Variants in FAM13A observed in about 807,000 individuals in gnomAD.
FAM13A encodes protein FAM13A.
A neutral mutation model predicts 129.6 loss-of-function variants in FAM13A; 76 were observed. That is an observed-to-expected ratio of 0.59 (90% CI 0.49 to 0.71). FAM13A has a LOEUF of 0.71. Among genes scored for constraint, FAM13A ranks in the 30% least tolerant of loss-of-function variants. FAM13A has a pLI of 0.00. For missense variants in FAM13A, 1,108 were observed against 1,249.3 expected (o/e 0.89, Z 1.70); for synonymous variants, 443 against 449.9 (o/e 0.98, Z 0.20).
intron 4 of FAM13A, among the ~76,000 whole-genome samples, chr4:88,975,871 A>G (rs1391142320): frequency 6.6e-6 from 1 of 152,180 alleles, no homozygotes; most frequent in African/African-American, 2.4e-5. Flanking sequence ...TCTTGAGAAA[A>G]TGTGTGCTCT....
At chr4:88,906,591 G>A (rs1748208824) in intron 5 of FAM13A, 129 bp from the exon 6 acceptor site, 2 of 644,450 alleles carry the variant, frequency 3.1e-6, no homozygotes, top group African/African-American at 1.9e-5. Context: ...TCAGAAGCTG[G>A]TGAAATTGTA....
At chr4:89,011,085 T>A (rs949528118) in intron 3 of FAM13A, among the ~76,000 whole-genome samples, 1 of 152,124 alleles carries the variant, frequency 6.6e-6, no homozygotes, top group African/African-American at 2.4e-5. Context: ...TGACCTCAGG[T>A]GATCCTCCCA....
At position 88,807,675 on chromosome 4, in the gene FAM13A, G is replaced by A. The variant is rs929538973; in HGVS notation, c.1008-2623C>T. On this transcript the variant is annotated intron_variant, in intron 7 of 23. Coordinates refer to ENST00000264344, the MANE Select transcript of FAM13A (RefSeq NM_014883.4). Reference sequence around the variant, plus strand: ...ATCTCGTGGACTTGATAAGCTCCTTGTCATGCTTCTGATTATGGCAACTCT... The same window carrying A: ...ATCTCGTGGACTTGATAAGCTCCTTATCATGCTTCTGATTATGGCAACTCT... Among the ~76,000 whole-genome samples, 4 of 152,258 alleles carry A rather than the reference G, an allele frequency of 2.6e-5. No individual in the cohort carries two copies. In the East Asian group the frequency reaches 7.7e-4, roughly 29 times the overall value.
chr4:89,054,151 A>T (rs1301823053), intron 1 of FAM13A, among the ~76,000 whole-genome samples: 1 of 152,144 alleles, frequency 6.6e-6, no homozygotes, highest in Non-Finnish European at 1.5e-5. Context: ...CTTAACACTA[A>T]CAACATGGCA....
At chr4:88,919,823 G>A (rs892842166) in intron 5 of FAM13A, among the ~76,000 whole-genome samples, 6 of 152,232 alleles carry the variant, frequency 3.9e-5, no homozygotes, top group African/African-American at 1.4e-4. Flanking sequence ...ATGGCACCTG[G>A]AAAATCGGGT....
chr4:88,955,673 G>C (rs1757641018), intron 4 of FAM13A, among the ~76,000 whole-genome samples: 1 of 152,160 alleles, frequency 6.6e-6, no homozygotes, highest in Non-Finnish European at 1.5e-5. Flanking sequence ...GGATAATAAA[G>C]TCCAGGCTGA....
intron 6 of FAM13A, among the ~76,000 whole-genome samples, chr4:88,880,511 A>G (rs926785570): frequency 1.2e-4 from 18 of 151,668 alleles, no homozygotes; most frequent in Admixed American, 6.6e-4. Context: ...AGGAACTGGG[A>G]AAAAAAACCA....
intron 7 of FAM13A, among the ~76,000 whole-genome samples, chr4:88,810,283 CT>C: frequency 6.6e-6 from 1 of 152,214 alleles, no homozygotes. Flanking sequence ...TTGAAATATA[CT>C]GTTATCAGCT....
At chr4:88,843,205 G>A (rs1578916425) in intron 7 of FAM13A, among the ~76,000 whole-genome samples, 2 of 152,166 alleles carry the variant, frequency 1.3e-5, no homozygotes, top group East Asian at 3.9e-4. Context: ...CCAGAGAGTG[G>A]AAACATCTCA....
intron 6 of FAM13A, among the ~76,000 whole-genome samples, chr4:88,891,235 A>G (rs1347458460): frequency 6.6e-6 from 1 of 152,070 alleles, no homozygotes. Flanking sequence ...ACCAGCCTGG[A>G]CAACATGGCA....
chr4:88,741,049 T>A (rs1204203149), intron 19 of FAM13A, among the ~76,000 whole-genome samples: 2 of 152,186 alleles, frequency 1.3e-5, no homozygotes. Context: ...ATGTTGAACA[T>A]CTGGAACTCT....
At chr4:89,046,316 T>C (rs369813939) in intron 1 of FAM13A, among the ~76,000 whole-genome samples, 1 of 152,032 alleles carries the variant, frequency 6.6e-6, no homozygotes, top group Admixed American at 6.6e-5. Context: ...AAAGAGAAGA[T>C]TTGAGGTTGG....
chr4:88,820,317 G>A (rs2149825329), intron 7 of FAM13A, among the ~76,000 whole-genome samples: 1 of 152,176 alleles, frequency 6.6e-6, no homozygotes, highest in Non-Finnish European at 1.5e-5. Context: ...GTGTATTACT[G>A]AATTCACCAC....
intron 7 of FAM13A, among the ~76,000 whole-genome samples, chr4:88,825,150 C>T (rs927857318): frequency 5.3e-5 from 8 of 151,854 alleles, no homozygotes; most frequent in Non-Finnish European, 1.2e-4. Context: ...TTTCTCCTGT[C>T]TATTCTGGAA....
At chr4:88,935,261 C>T (rs922027) in intron 5 of FAM13A, among the ~76,000 whole-genome samples, 26,002 of 152,088 alleles carry the variant, frequency 0.17, 2,370 homozygotes, top group Non-Finnish European at 0.21. Flanking sequence ...CAAATACAAC[C>T]GAACATATTT....
chr4:88,853,823 G>A (rs374410825), intron 6 of FAM13A, among the ~76,000 whole-genome samples: 3 of 152,212 alleles, frequency 2.0e-5, no homozygotes, highest in East Asian at 1.9e-4. Context: ...ATAAAAGCAG[G>A]CAGAGGAACG....
At chr4:88,968,135 A>G (rs75199067) in intron 4 of FAM13A, among the ~76,000 whole-genome samples, 7,933 of 152,284 alleles carry the variant, frequency 0.052, 322 homozygotes, top group South Asian at 0.24. Context: ...AAGAGAAGAT[A>G]AAAAGAACTA....
Position 88,745,064 on chromosome 4 carries a change from C to T in FAM13A, c.2466+1868G>A, listed in dbSNP as rs551047437. ...CAGAAAGTAGAACGTGTAATTGTAA[C>T]AGAGGTGAAAACTATCATTTACTGT... On this transcript the variant is annotated intron_variant, in intron 19 of 23. Transcript: ENST00000264344. 2.6e-5 allele frequency among the ~76,000 whole-genome samples: 4 copies of T among 152,254 alleles called. No individual in the cohort carries two copies. The East Asian group carries it at 5.8e-4, about 22-fold the overall frequency.
At position 88,728,756 on chromosome 4, in the gene FAM13A, G is replaced by A. The variant is rs1194563559; in HGVS notation, c.2946-97C>T. The A allele has an allele frequency of 2.9e-5, 42 of 1,432,904 alleles. 1 individual carries two copies. In the East Asian group the frequency reaches 9.4e-4, roughly 32 times the overall value. The allele number at this position is 1,432,904 out of a possible 1,614,324, so 88.8% of individuals were successfully genotyped here. ...ATTATCATTGTTTAGAAACTTTGCAGTTTATCAACTTGTAGAATCAGTGTT... is the reference window on the plus strand; with the variant it reads ...ATTATCATTGTTTAGAAACTTTGCAATTTATCAACTTGTAGAATCAGTGTT... On this transcript the variant is annotated intron_variant, in intron 23 of 23. Transcript: ENST00000264344.
Sources: allele counts gnomAD v4.1 joint callset (sites outside exome capture counted in the v4.1 genomes callset), GRCh38; gene constraint gnomAD v4.1.1; transcripts MANE v1.5; gene names NCBI Gene and HGNC (gene_info 2026-07-23, HGNC 2026-07-21).